DPH6: variants seen among roughly 807,000 people sequenced by gnomAD.
DPH6 encodes diphthamine biosynthesis 6.
Under a neutral mutation model 38.2 loss-of-function variants are expected in DPH6, and 33 were observed. That is an observed-to-expected ratio of 0.86 (90% CI 0.65 to 1.15). The LOEUF (loss-of-function observed/expected upper bound fraction) is 1.15, where lower values mean the gene tolerates loss of function less well. Ranked by LOEUF, DPH6 falls within the 50% of genes most tolerant of loss-of-function variation. The pLI, the probability that DPH6 is intolerant of heterozygous loss-of-function variation, is 0.00. For missense variants in DPH6, 325 were observed against 320.0 expected (o/e 1.02, Z -0.12); for synonymous variants, 108 against 103.0 (o/e 1.05, Z -0.30).
chr15:35,152,826 G>A, the DPH6 span, among the ~76,000 whole-genome samples: 1 of 152,160 alleles, frequency 6.6e-6, no homozygotes, highest in Admixed American at 6.6e-5. Context: ...TGAGATGAGA[G>A]GAAGAAGTTA....
chr15:35,468,400 T>G (rs1388574287), intron 3 of DPH6, among the ~76,000 whole-genome samples: 2 of 152,152 alleles, frequency 1.3e-5, no homozygotes, highest in Non-Finnish European at 2.9e-5. Flanking sequence ...TCACAGACCG[T>G]CCCAGCCTCT....
chr15:35,436,263 A>C (rs112166874), intron 5 of DPH6, among the ~76,000 whole-genome samples: 4 of 151,018 alleles, frequency 2.6e-5, no homozygotes, highest in African/African-American at 4.9e-5. Context: ...TCAGGAGATC[A>C]AGACCATCTT....
intron 3 of DPH6, among the ~76,000 whole-genome samples, chr15:35,321,688 T>C (rs973487690): frequency 2.6e-5 from 4 of 152,232 alleles, no homozygotes; most frequent in African/African-American, 9.6e-5. Context: ...GGCAGTTTTA[T>C]GGATTTTTCT....
intron 3 of DPH6, among the ~76,000 whole-genome samples, chr15:35,495,063 T>C (rs1595415475): frequency 6.6e-6 from 1 of 152,268 alleles, no homozygotes; most frequent in Middle Eastern, 3.4e-3. Context: ...CAAATTGTAT[T>C]CCTATATGTC....
chr15:35,474,222 ATTTTTCCCCTCTTT>A (rs2054237539), intron 3 of DPH6, among the ~76,000 whole-genome samples: 1 of 152,078 alleles, frequency 6.6e-6, no homozygotes, highest in African/African-American at 2.4e-5. Flanking sequence ...ACCAAGTTAA[ATTTTTCCCCTCTTT>A]AAGAGAGAGG....
At chr15:35,376,813 C>T (rs2052787280) in intron 7 of DPH6, among the ~76,000 whole-genome samples, 1 of 152,042 alleles carries the variant, frequency 6.6e-6, no homozygotes, top group African/African-American at 2.4e-5. Flanking sequence ...GGTTTATAGC[C>T]TAGGAGCATA....
At chr15:35,476,999 T>C (rs1333962916) in intron 3 of DPH6, among the ~76,000 whole-genome samples, 1 of 151,710 alleles carries the variant, frequency 6.6e-6, no homozygotes, top group Non-Finnish European at 1.5e-5. Flanking sequence ...CAAAAACAAA[T>C]ACATTTGCAA....
chr15:35,210,632 G>T, the DPH6 span, among the ~76,000 whole-genome samples: 14 of 152,140 alleles, frequency 9.2e-5, no homozygotes, highest in Non-Finnish European at 2.1e-4. Context: ...GGCCTTAAAA[G>T]AATTAGTTCT....
At chr15:35,522,183 G>A in intron 3 of DPH6, 1 of 1,613,382 alleles carries the variant, frequency 6.2e-7, no homozygotes, top group Non-Finnish European at 8.5e-7. Flanking sequence ...TTGGAGTCCT[G>A]TAAACAATCG....
the DPH6 span, among the ~76,000 whole-genome samples, chr15:35,182,166 A>G: frequency 2.1e-5 from 3 of 142,926 alleles, no homozygotes; most frequent in East Asian, 2.0e-4. Context: ...TTTTACATGT[A>G]TAAGTATAAT....
intron 5 of DPH6, among the ~76,000 whole-genome samples, chr15:35,449,982 G>T (rs921205147): frequency 6.6e-6 from 1 of 152,092 alleles, no homozygotes; most frequent in African/African-American, 2.4e-5. Context: ...TCAGGTTTCA[G>T]GGCATTTTCT....
intron 2 of DPH6, among the ~76,000 whole-genome samples, chr15:35,539,796 G>A (rs762524641): frequency 8.6e-5 from 13 of 151,818 alleles, no homozygotes; most frequent in Non-Finnish European, 1.8e-4. Flanking sequence ...ATAGTGCAAG[G>A]GCCCCTTCAA....
At chr15:35,163,698 A>G in the DPH6 span, among the ~76,000 whole-genome samples, 3 of 151,822 alleles carry the variant, frequency 2.0e-5, no homozygotes, top group Admixed American at 1.3e-4. Flanking sequence ...TAAATGAGCA[A>G]CCCCTTTGTG....
At chr15:35,532,107 G>A (rs2055097816) in intron 3 of DPH6, among the ~76,000 whole-genome samples, 1 of 152,150 alleles carries the variant, frequency 6.6e-6, no homozygotes, top group African/African-American at 2.4e-5. Flanking sequence ...CGAAGACTCA[G>A]ACATGAAAAG....
chr15:35,324,871 T>A (rs2052269376), intron 3 of DPH6, among the ~76,000 whole-genome samples: 1 of 152,156 alleles, frequency 6.6e-6, no homozygotes. Flanking sequence ...TTAACAAAAC[T>A]GGCTGCTATG....
intron 3 of DPH6, among the ~76,000 whole-genome samples, chr15:35,229,160 T>A (rs1290514901): frequency 6.6e-6 from 1 of 152,188 alleles, no homozygotes; most frequent in Non-Finnish European, 1.5e-5. Flanking sequence ...CCCTACCTCC[T>A]CTTTAAGGCC....
intron 3 of DPH6, among the ~76,000 whole-genome samples, chr15:35,530,760 T>C (rs2055074526): frequency 6.6e-6 from 1 of 152,192 alleles, no homozygotes; most frequent in Admixed American, 6.5e-5. Flanking sequence ...CAACATTTTA[T>C]TTCCAGACAG....
intron 3 of DPH6, among the ~76,000 whole-genome samples, chr15:35,279,448 T>G (rs1323983130): frequency 6.6e-6 from 1 of 152,064 alleles, no homozygotes; most frequent in Non-Finnish European, 1.5e-5. Context: ...CAGGTTGAAA[T>G]GTAATCTCCA....
At chr15:35,293,827 C>G (rs1230663638) in intron 3 of DPH6, among the ~76,000 whole-genome samples, 4 of 152,228 alleles carry the variant, frequency 2.6e-5, no homozygotes, top group African/African-American at 9.6e-5. Context: ...AGAATGAAAT[C>G]TTCCCTAGTG....
Sources: gnomAD v4.1 joint callset for allele counts (sites outside exome capture counted in the v4.1 genomes callset) on GRCh38, gnomAD v4.1.1 for gene constraint, MANE v1.5 for transcripts, NCBI Gene and HGNC (gene_info 2026-07-23, HGNC 2026-07-21) for gene names.